KDELR3: variants seen among roughly 807,000 people sequenced by gnomAD.
The protein encoded by KDELR3 is ER lumen protein-retaining receptor 3.
In KDELR3, 26 loss-of-function variants were observed where a neutral mutation model predicts 22.7. The observed-to-expected ratio is 1.15, with a 90% CI of 0.84 to 1.59. KDELR3 has a LOEUF of 1.59. KDELR3 is among the 40% of genes most tolerant of loss of function. The pLI is 0.00. For synonymous variants in KDELR3, 120 were observed against 98.2 expected (o/e 1.22, Z -1.31); for missense variants, 289 against 251.1 (o/e 1.15, Z -1.02).
rs189917102 is a variant in KDELR3, at chr22:38,472,241, G to T, written c.92-2282G>T. Among the ~76,000 whole-genome samples, 208 of 152,262 alleles carry T rather than the reference G, an allele frequency of 1.4e-3. 3 individuals are homozygous for T. The highest frequency in any genetic ancestry group is 4.6e-3 in the African/African-American group (191 of 41,552). Reference sequence around the variant, plus strand: ...GCCTGTAATCCCAGCACTTTGGGAGGCCGAAGTGGGCAGTCACTTGAGGTC... The same window carrying T: ...GCCTGTAATCCCAGCACTTTGGGAGTCCGAAGTGGGCAGTCACTTGAGGTC... On this transcript the variant is annotated intron_variant, in intron 1 of 4. Transcript: ENST00000216014.
At chr22:38,482,126 T>C (rs1244667694) in intron 4 of KDELR3, among the ~76,000 whole-genome samples, 1 of 152,044 alleles carries the variant, frequency 6.6e-6, no homozygotes, top group South Asian at 2.1e-4. Context: ...CTATGTAGGG[T>C]AGAAAGCAGT....
intron 1 of KDELR3, chr22:38,474,283 TG>T (rs1339740362): frequency 2.5e-6 from 1 of 401,530 alleles, no homozygotes; most frequent in East Asian, 4.7e-5. Context: ...TCGGTGTTCG[TG>T]TCTTTATTTG....
At position 38,481,411 on chromosome 22, in the gene KDELR3, G is replaced by T. The variant is rs144367618; in HGVS notation, c.551G>T (p.Gly184Val). 3.5e-5 allele frequency: 57 copies of T among 1,614,048 alleles called. No homozygotes were observed. The highest frequency in any genetic ancestry group is 1.7e-4 in the Admixed American group (10 of 60,000). The change falls in exon 4 of 5, where the codon GGA becomes GTA. Residue 184 changes from glycine to valine, a missense_variant. By Grantham distance (109) the Gly-to-Val change is moderately radical (BLOSUM62 -3). Transcript: ENST00000216014. ...NFYDQIAVVS[G>V]VVQTIFYCDF... ...TATGACCAAATTGCAGTCGTGTCTG[G>T]AGTAGTACAAACCATCTTCTACTGT...
At chr22:38,479,537 A>C (rs1167886381) in intron 2 of KDELR3, 56 bp from the exon 3 acceptor site, 5 of 1,531,164 alleles carry the variant, frequency 3.3e-6, no homozygotes, top group Non-Finnish European at 4.5e-6. Flanking sequence ...GAGCGTAGTA[A>C]ATAGGCCGGG....
At position 38,481,386 on chromosome 22, in the gene KDELR3, TATGACCAA is replaced by T; in HGVS notation, c.529_536del (p.Asp177CysfsTer14). The T allele has an allele frequency of 6.2e-7, 1 of 1,614,258 alleles. No homozygotes were observed. Among genetic ancestry groups the T allele is most frequent in the Non-Finnish European group, 8.5e-7 (1 of 1,180,048 alleles). ...CAGGCGGTACCAGACTGAGAATTTC[TATGACCAA>T]ATTGCAGTCGTGTCTGGAGTAGTAC... On this transcript the variant is annotated frameshift_variant, in exon 4 of 5. Coordinates refer to ENST00000216014, the MANE Select transcript of KDELR3 (RefSeq NM_006855.4). LOFTEE classifies it high-confidence loss of function.
chr22:38,478,628 G>GTTTTTTTTT (rs1569133063), intron 2 of KDELR3, among the ~76,000 whole-genome samples: 3 of 24,132 alleles, frequency 1.2e-4, no homozygotes, highest in African/African-American at 1.3e-4. Flanking sequence ...CAGCATCTGT[G>GTTTTTTTTT]ATTTTTTTTT....
At chr22:38,480,170 GTCTCAC>G (rs1158326130) in intron 3 of KDELR3, among the ~76,000 whole-genome samples, 1 of 152,068 alleles carries the variant, frequency 6.6e-6, no homozygotes, top group Non-Finnish European at 1.5e-5. Context: ...TTGAGATGGA[GTCTCAC>G]TCTGTTGCCC....
intron 2 of KDELR3, among the ~76,000 whole-genome samples, chr22:38,478,482 A>C (rs59386203): frequency 1.4e-5 from 2 of 143,366 alleles, no homozygotes; most frequent in African/African-American, 5.1e-5. Context: ...TTGCAGTGAG[A>C]CAAGACTGCA....
chr22:38,481,135 T>C (rs779740209), intron 3 of KDELR3, 77 bp from the exon 4 acceptor site: 8 of 1,287,004 alleles, frequency 6.2e-6, no homozygotes, highest in Non-Finnish European at 8.6e-6. Context: ...CAAGCTATTG[T>C]TTTAGTAATT....
At chr22:38,469,211 G>A (rs1234598187) in intron 1 of KDELR3, among the ~76,000 whole-genome samples, 2 of 152,258 alleles carry the variant, frequency 1.3e-5, no homozygotes, top group Non-Finnish European at 2.9e-5. Flanking sequence ...CGGGGATGAA[G>A]AGGCATGGAG....
chr22:38,471,324 T>C (rs2089523793), intron 1 of KDELR3, among the ~76,000 whole-genome samples: 1 of 152,148 alleles, frequency 6.6e-6, no homozygotes, highest in Admixed American at 6.5e-5. Context: ...CAGTCCTTCG[T>C]GGGGCTGAGG....
Position 38,481,258 on chromosome 22 carries a change from C to T in KDELR3, c.398C>T (p.Pro133Leu). Residue 133 changes from proline (P) to leucine (L), a missense_variant, in exon 4 of 5, where the codon CCC (proline) becomes CTC (leucine). Pro to Leu is a moderately conservative substitution (Grantham distance 98). Transcript: ENST00000216014. ...TATCTGGAATCAGTGGCTATCCTGC[C>T]CCAGCTCTTCATGATCAGCAAGACT... ...SIYLESVAIL[P>L]QLFMISKTGE... 1 of 1,614,144 alleles carries T rather than the reference C, an allele frequency of 6.2e-7. No homozygotes were observed. The highest frequency in any genetic ancestry group is 8.5e-7 in the Non-Finnish European group (1 of 1,180,040).
chr22:38,475,625 T>C (rs1280340581), intron 2 of KDELR3, among the ~76,000 whole-genome samples: 1 of 152,110 alleles, frequency 6.6e-6, no homozygotes, highest in African/African-American at 2.4e-5. Flanking sequence ...GGACACACCT[T>C]CTTTCTGTTT....
In KDELR3 at chr22:38,479,611, G is replaced by C. The variant is rs1288661267; in HGVS notation, c.211G>C (p.Ala71Pro). Residue 71 changes from alanine to proline, a missense_variant, in exon 3 of 5, where the codon GCC becomes CCC. Coordinates refer to ENST00000216014, the MANE Select transcript of KDELR3 (RefSeq NM_006855.4). ...TVMKVVFLLC[A>P]YVTVYMIYGK... ...CTTTTAGGTGGTTTTTCTCCTCTGTGCCTATGTTACAGTGTACATGATATA... is the reference window on the plus strand; with the variant it reads ...CTTTTAGGTGGTTTTTCTCCTCTGTCCCTATGTTACAGTGTACATGATATA... 1.9e-6 allele frequency: 3 copies of C among 1,613,646 alleles called. No homozygotes were observed. In the African/African-American group the frequency reaches 4.0e-5, roughly 22 times the overall value.
chr22:38,470,623 C>T (rs1157537514), intron 1 of KDELR3, among the ~76,000 whole-genome samples: 1 of 152,140 alleles, frequency 6.6e-6, no homozygotes, highest in Non-Finnish European at 1.5e-5. Flanking sequence ...ACTTGGGCTT[C>T]ACTCTCACTC....
chr22:38,471,874 G>T (rs2089527155), intron 1 of KDELR3, among the ~76,000 whole-genome samples: 2 of 139,540 alleles, frequency 1.4e-5, no homozygotes, highest in African/African-American at 6.9e-5. Context: ...TAAGGTAGGG[G>T]GGTCATCCGA....
At position 38,468,172 on chromosome 22, in the gene KDELR3, T is replaced by G. The variant is rs952701293; in HGVS notation, c.-62T>G. 104 of 1,486,540 alleles carry G rather than the reference T, an allele frequency of 7.0e-5. No individual in the cohort carries two copies. Among genetic ancestry groups the G allele is most frequent in the Middle Eastern group, 6.9e-4 (4 of 5,820 alleles). 92.1% of individuals were successfully genotyped at this position (1,486,540 alleles called of 1,614,324 possible). On this transcript the variant is annotated 5_prime_UTR_variant, in exon 1 of 5. Transcript: ENST00000216014. ...GGGGCCGGAGACGTGGCAGCCGCCC[T>G]GCCCGCCAGAAAGTTTCCTAGAAGT... is the stretch of plus-strand genomic sequence containing the variant.
At chr22:38,475,514 T>C (rs1351550104) in intron 2 of KDELR3, among the ~76,000 whole-genome samples, 1 of 152,088 alleles carries the variant, frequency 6.6e-6, no homozygotes, top group Non-Finnish European at 1.5e-5. Flanking sequence ...AGAGAAGGAT[T>C]AGAGAGCTAC....
chr22:38,477,588 C>T (rs1014223059), intron 2 of KDELR3, among the ~76,000 whole-genome samples: 4 of 152,180 alleles, frequency 2.6e-5, no homozygotes, highest in Non-Finnish European at 4.4e-5. Context: ...AGATAACATA[C>T]AGCACCTAGA....
Sources: allele counts gnomAD v4.1 joint callset (sites outside exome capture counted in the v4.1 genomes callset), GRCh38; gene constraint gnomAD v4.1.1; transcripts MANE v1.5; gene names NCBI Gene and HGNC (gene_info 2026-07-23, HGNC 2026-07-21).